DENND2C: variants seen among roughly 807,000 people sequenced by gnomAD.
DENND2C encodes the protein DENN domain containing 2C, also known as DENN domain-containing protein 2C.
A neutral mutation model predicts 112.4 loss-of-function variants in DENND2C; 72 were observed. The ratio of observed to expected loss-of-function variants is 0.64; its 90% CI spans 0.53 to 0.78. The LOEUF (loss-of-function observed/expected upper bound fraction) is 0.78, where lower values mean the gene tolerates loss of function less well. Among genes scored for constraint, DENND2C ranks in the 30% least tolerant of loss-of-function variants. The pLI, the probability that DENND2C is intolerant of heterozygous loss-of-function variation, is 0.00. For missense variants in DENND2C, 992 were observed against 1,113.8 expected, an observed-to-expected ratio of 0.89 and a Z score of 1.56; for synonymous variants, 329 against 381.6, an observed-to-expected ratio of 0.86 and a Z score of 1.61.
chr1:114,641,980 T>C (rs920380538), intron 3 of DENND2C, among the ~76,000 whole-genome samples: 15 of 151,906 alleles, frequency 9.9e-5, no homozygotes, highest in African/African-American at 3.6e-4. Context: ...TGAGATGGAG[T>C]CTTGCTCTGT....
intron 18 of DENND2C, among the ~76,000 whole-genome samples, chr1:114,593,179 T>C (rs1031094847): frequency 5.9e-5 from 9 of 152,148 alleles, no homozygotes; most frequent in African/African-American, 1.9e-4. Context: ...TTTCTCCTTC[T>C]TTACTGGCTG....
At chr1:114,601,651 G>A in intron 12 of DENND2C, 66 bp from the exon 13 acceptor site, 1 of 1,391,884 alleles carries the variant, frequency 7.2e-7, no homozygotes, top group Non-Finnish European at 1.0e-6. Context: ...TACTAATTTG[G>A]ACTATTAATT....
chr1:114,597,009 T>C (rs1369276398), intron 16 of DENND2C, among the ~76,000 whole-genome samples: 1 of 152,006 alleles, frequency 6.6e-6, no homozygotes, highest in Admixed American at 6.6e-5. Context: ...CTTAAGCAGC[T>C]CACTAAAAAC....
chr1:114,588,466 A>G (rs758651308), intron 18 of DENND2C: 1 of 153,946 alleles, frequency 6.5e-6, no homozygotes, highest in Non-Finnish European at 1.4e-5. Context: ...CCTTCCGTAA[A>G]GGGCTAACTG....
intron 9 of DENND2C, among the ~76,000 whole-genome samples, 155 bp from the exon 10 acceptor site, chr1:114,609,028 G>A (rs555853657): frequency 6.6e-6 from 1 of 152,308 alleles, no homozygotes; most frequent in South Asian, 2.1e-4. Context: ...TACCTGTTAA[G>A]GCTGTGACAT....
At chr1:114,630,538 T>A (rs1214511236) in intron 3 of DENND2C, among the ~76,000 whole-genome samples, 1 of 152,106 alleles carries the variant, frequency 6.6e-6, no homozygotes, top group Non-Finnish European at 1.5e-5. Flanking sequence ...CCCAGCTTTC[T>A]CCCTGGAAAC....
In DENND2C at chr1:114,600,248, AGAG is replaced by A; in HGVS notation, c.2058_2060del (p.Ser687del). 1 of 1,614,120 alleles carries A rather than the reference AGAG, an allele frequency of 6.2e-7. No homozygotes were observed. The highest frequency in any genetic ancestry group is 1.1e-5 in the South Asian group (1 of 91,068). ...AGATTACCCTACGCTCCAAAAGGAGAGAGGCACAGACCCGGATGAGATGACACA... is the reference window on the plus strand; with the variant it reads ...AGATTACCCTACGCTCCAAAAGGAGAGCACAGACCCGGATGAGATGACACA... On this transcript the variant is annotated inframe_deletion, in exon 15 of 21. Coordinates refer to ENST00000393274, the MANE Select transcript of DENND2C (RefSeq NM_001256404.2).
Position 114,622,029 on chromosome 1 carries a change from T to C in DENND2C, c.1093A>G (p.Met365Val), listed in dbSNP as rs1455272229. 2.6e-6 allele frequency: 4 copies of C among 1,549,554 alleles called. No individual in the cohort carries two copies. Among genetic ancestry groups the C allele is most frequent in the African/African-American group, 1.4e-5 (1 of 73,000 alleles). The change falls in exon 7 of 21, where the codon ATG becomes GTG. Residue 365 changes from methionine (M) to valine (V), a missense_variant. Met to Val is a conservative substitution (Grantham distance 21). Transcript: ENST00000393274. ...TAAGCCTGTGAGTTCTTTACTTCCA[T>C]AGTCTTCCGGTGAAGGAACTGAGGT... The part of the protein sequence containing the change: ...PKPQFLHRKT[M>V]EVKNSQAYLR...
intron 16 of DENND2C, among the ~76,000 whole-genome samples, chr1:114,596,952 C>T (rs1479553796): frequency 1.3e-5 from 2 of 151,512 alleles, no homozygotes; most frequent in African/African-American, 4.9e-5. Flanking sequence ...ATGAAAGGCC[C>T]AAGAGATGAT....
chr1:114,596,083 G>A (rs995074988), intron 16 of DENND2C, among the ~76,000 whole-genome samples: 1 of 152,128 alleles, frequency 6.6e-6, no homozygotes, highest in Non-Finnish European at 1.5e-5. Flanking sequence ...ACTAAATACA[G>A]TGTGTGGGGC....
intron 7 of DENND2C, among the ~76,000 whole-genome samples, chr1:114,618,859 T>C (rs769934778): frequency 6.6e-6 from 1 of 152,214 alleles, no homozygotes; most frequent in Non-Finnish European, 1.5e-5. Flanking sequence ...CACTCATTTA[T>C]CTGAAAGGCA....
At chr1:114,642,171 A>C (rs1656856886) in intron 3 of DENND2C, among the ~76,000 whole-genome samples, 1 of 152,118 alleles carries the variant, frequency 6.6e-6, no homozygotes, top group Admixed American at 6.5e-5. Context: ...GGCTGGTCTC[A>C]AACTCCTGGT....
chr1:114,637,141 TA>T (rs1656679111), intron 3 of DENND2C, among the ~76,000 whole-genome samples: 1 of 150,070 alleles, frequency 6.7e-6, no homozygotes, highest in Non-Finnish European at 1.5e-5. Context: ...TGGTGCATGC[TA>T]AAAGAGACTA....
At chr1:114,633,465 AAAAG>A (rs1406999598) in intron 3 of DENND2C, among the ~76,000 whole-genome samples, 15 of 149,858 alleles carry the variant, frequency 1.0e-4, no homozygotes, top group East Asian at 7.8e-4. Flanking sequence ...AAAAAAAAGA[AAAAG>A]AAGGAAGGAA....
At chr1:114,593,504 G>A (rs537557922) in intron 18 of DENND2C, among the ~76,000 whole-genome samples, 3 of 152,236 alleles carry the variant, frequency 2.0e-5, no homozygotes, top group African/African-American at 7.2e-5. Context: ...CTCCTTCTAG[G>A]CCAGGTGTGG....
At chr1:114,624,625 T>TTTTA (rs1656279684) in intron 4 of DENND2C, among the ~76,000 whole-genome samples, 1 of 5,884 alleles carries the variant, frequency 1.7e-4, no homozygotes, top group Non-Finnish European at 4.6e-4. Flanking sequence ...TCTTTTTTTC[T>TTTTA]TTTTTTTTTT....
chr1:114,587,612 GATT>G (rs1655074665), intron 19 of DENND2C, 101 bp downstream of exon 19: 7 of 1,416,948 alleles, frequency 4.9e-6, no homozygotes, highest in Non-Finnish European at 5.8e-6. Context: ...AAACAACTCA[GATT>G]TTAAGCCCTT....
intron 1 of DENND2C, among the ~76,000 whole-genome samples, chr1:114,661,088 C>G (rs1387445528): frequency 7.7e-6 from 1 of 130,262 alleles, no homozygotes; most frequent in African/African-American, 3.0e-5. Flanking sequence ...ACCTGGGCGA[C>G]AGAGCGAGAC....
intron 2 of DENND2C, among the ~76,000 whole-genome samples, chr1:114,646,956 T>G (rs1433384749): frequency 1.3e-5 from 2 of 152,082 alleles, no homozygotes; most frequent in Non-Finnish European, 2.9e-5. Context: ...GGTCGGGAGT[T>G]TGAGACCAGC....
Sources: allele counts gnomAD v4.1 joint callset (sites outside exome capture counted in the v4.1 genomes callset), GRCh38; gene constraint gnomAD v4.1.1; transcripts MANE v1.5; gene names NCBI Gene and HGNC (gene_info 2026-07-23, HGNC 2026-07-21).